Variants in CNTN4 observed in about 807,000 individuals in gnomAD.
The protein encoded by CNTN4 is contactin 4.
A neutral mutation model predicts 122.5 loss-of-function variants in CNTN4; 77 were observed. That is an observed-to-expected ratio of 0.63 (90% confidence interval 0.52 to 0.76). The LOEUF is 0.76. CNTN4 is among the 30% of genes least tolerant of loss of function. CNTN4 has a pLI of 0.00. For missense variants in CNTN4, 1,256 were observed against 1,259.1 expected (o/e 1.00, Z 0.04); for synonymous variants, 512 against 447.0 (o/e 1.15, Z -1.83).
At chr3:2,542,693 A>T (rs1043554394) in intron 3 of CNTN4, among the ~76,000 whole-genome samples, 2 of 152,096 alleles carry the variant, frequency 1.3e-5, no homozygotes, top group African/African-American at 2.4e-5. Context: ...CATCATAGAG[A>T]TGCTTTGTGG....
chr3:2,886,354 G>A (rs954786986), intron 9 of CNTN4, among the ~76,000 whole-genome samples: 6 of 148,612 alleles, frequency 4.0e-5, no homozygotes, highest in East Asian at 2.0e-4. Flanking sequence ...CCAAGATTGC[G>A]CCACTGCAAT....
At chr3:2,986,020 T>A (rs961781846) in intron 13 of CNTN4, among the ~76,000 whole-genome samples, 2 of 148,678 alleles carry the variant, frequency 1.3e-5, no homozygotes, top group Non-Finnish European at 3.0e-5. Context: ...ATTCAAGCCA[T>A]CCTCCCACCT....
At chr3:2,931,220 G>A (rs1185351554) in intron 13 of CNTN4, among the ~76,000 whole-genome samples, 2 of 152,180 alleles carry the variant, frequency 1.3e-5, no homozygotes, top group Non-Finnish European at 2.9e-5. Flanking sequence ...GTGAAAGAGA[G>A]AAGGGTGATA....
intron 3 of CNTN4, among the ~76,000 whole-genome samples, chr3:2,420,869 G>A (rs1418770983): frequency 1.3e-5 from 2 of 152,150 alleles, no homozygotes; most frequent in Non-Finnish European, 2.9e-5. Flanking sequence ...TCAGTAAAAT[G>A]GCATAGCACT....
chr3:2,151,363 A>G (rs1049334884), intron 2 of CNTN4, among the ~76,000 whole-genome samples: 1 of 152,194 alleles, frequency 6.6e-6, no homozygotes, highest in Non-Finnish European at 1.5e-5. Context: ...ACAGGGAGGC[A>G]GCTAAGAGAC....
At position 2,275,441 on chromosome 3, in the gene CNTN4, A is replaced by C. The variant is rs1442183197; in HGVS notation, c.-144-63737A>C. Among the ~76,000 whole-genome samples the C allele has an allele frequency of 2.6e-5, 4 of 152,132 alleles. No homozygotes were observed. In the East Asian group the frequency reaches 7.7e-4, roughly 29 times the overall value. Reference sequence around the variant, plus strand: ...CATAGTCACATGAAAGTTTCCTATAATAGTATTCTACACTTTCTATTCTCT... The same window carrying C: ...CATAGTCACATGAAAGTTTCCTATACTAGTATTCTACACTTTCTATTCTCT... On this transcript the variant is annotated intron_variant, in intron 2 of 24. Coordinates refer to ENST00000418658, the MANE Select transcript of CNTN4 (RefSeq NM_175607.3).
At chr3:2,659,508 G>A (rs375240381) in intron 4 of CNTN4, among the ~76,000 whole-genome samples, 1 of 150,476 alleles carries the variant, frequency 6.6e-6, no homozygotes, top group Admixed American at 6.6e-5. Context: ...GAAAAAGAAG[G>A]AAGAGAGGGC....
intron 12 of CNTN4, among the ~76,000 whole-genome samples, chr3:2,910,884 T>C (rs56200936): frequency 0.37 from 56,006 of 151,504 alleles, 10,838 homozygotes; most frequent in East Asian, 0.64. Context: ...CCAGTTGCCA[T>C]TGAAAGAAAT....
chr3:2,725,833 T>A (rs2088185976), intron 4 of CNTN4, among the ~76,000 whole-genome samples: 1 of 152,052 alleles, frequency 6.6e-6, no homozygotes, highest in Admixed American at 6.6e-5. Context: ...TTTGGAGAAA[T>A]GTCAAAAAGA....
At chr3:2,267,010 AT>A (rs1310849410) in intron 2 of CNTN4, among the ~76,000 whole-genome samples, 1 of 152,116 alleles carries the variant, frequency 6.6e-6, no homozygotes, top group Non-Finnish European at 1.5e-5. Context: ...AATTAAATGC[AT>A]TTTTTGGCAT....
chr3:3,036,874 T>C (rs1005833036), intron 17 of CNTN4, among the ~76,000 whole-genome samples: 1 of 152,164 alleles, frequency 6.6e-6, no homozygotes, highest in Non-Finnish European at 1.5e-5. Flanking sequence ...ATACAATAAA[T>C]GCGGAAACAC....
intron 14 of CNTN4, among the ~76,000 whole-genome samples, chr3:3,009,601 T>C (rs1574809343): frequency 5.3e-5 from 8 of 151,856 alleles, no homozygotes; most frequent in Admixed American, 5.2e-4. Flanking sequence ...GCCCGGCTAA[T>C]TTTTTGTATT....
chr3:2,594,093 T>C (rs115624217), intron 4 of CNTN4, among the ~76,000 whole-genome samples: 2,790 of 152,272 alleles, frequency 0.018, 25 homozygotes, highest in South Asian at 0.027. Context: ...ATATTCAAGA[T>C]ACGTTTTACA....
chr3:2,968,212 C>G (rs115167168), intron 13 of CNTN4, among the ~76,000 whole-genome samples: 1,782 of 152,218 alleles, frequency 0.012, 11 homozygotes, highest in Non-Finnish European at 0.017. Context: ...TTTTAAGTTT[C>G]TTGGAAGTTG....
chr3:2,530,021 G>A (rs1000449481), intron 3 of CNTN4, among the ~76,000 whole-genome samples: 1 of 152,060 alleles, frequency 6.6e-6, no homozygotes, highest in Admixed American at 6.6e-5. Flanking sequence ...TCCCTCATGT[G>A]ATGCTTGGGC....
At chr3:2,552,943 G>A (rs2078573017) in intron 3 of CNTN4, among the ~76,000 whole-genome samples, 1 of 152,132 alleles carries the variant, frequency 6.6e-6, no homozygotes. Context: ...GTTTCTGTTA[G>A]TCTCTGTCAC....
intron 10 of CNTN4, among the ~76,000 whole-genome samples, chr3:2,899,634 A>G (rs1005596394): frequency 6.6e-6 from 1 of 152,204 alleles, no homozygotes; most frequent in African/African-American, 2.4e-5. Flanking sequence ...AAATAAGGAA[A>G]GAAAATGTGA....
At chr3:2,328,896 C>T (rs2043590232) in intron 2 of CNTN4, among the ~76,000 whole-genome samples, 1 of 152,072 alleles carries the variant, frequency 6.6e-6, no homozygotes, top group African/African-American at 2.4e-5. Context: ...ACTGCATTCT[C>T]CAAATCCTGG....
intron 2 of CNTN4, among the ~76,000 whole-genome samples, chr3:2,123,073 C>G (rs1359892641): frequency 9.9e-5 from 15 of 152,166 alleles, no homozygotes; most frequent in Admixed American, 9.8e-4. Flanking sequence ...TTAAGGCATC[C>G]TCAGCAAAGT....
Sources: allele counts gnomAD v4.1 joint callset (sites outside exome capture counted in the v4.1 genomes callset), GRCh38; gene constraint gnomAD v4.1.1; transcripts MANE v1.5; gene names NCBI Gene and HGNC (gene_info 2026-07-23, HGNC 2026-07-21).